PTGES3: variants seen among roughly 807,000 people sequenced by gnomAD.
PTGES3 encodes the protein prostaglandin E synthase 3.
A neutral mutation model predicts 29.9 loss-of-function variants in PTGES3; 5 were observed. That is an observed-to-expected ratio of 0.17 (90% confidence interval 0.09 to 0.35). The LOEUF is 0.35. Among genes scored for constraint, PTGES3 ranks in the 10% least tolerant of loss-of-function variants. PTGES3 has a pLI of 1.00. For synonymous variants in PTGES3, 49 were observed against 57.8 expected (o/e 0.85, Z 0.69); for missense variants, 128 against 190.0 (o/e 0.67, Z 1.92).
chr12:56,677,007 G>T (rs1228671342), intron 1 of PTGES3, among the ~76,000 whole-genome samples: 1 of 151,240 alleles, frequency 6.6e-6, no homozygotes, highest in Non-Finnish European at 1.5e-5. Context: ...AGGCTGAGGT[G>T]AGCAGGTCAC....
At chr12:56,677,102 T>C (rs1952290872) in intron 1 of PTGES3, among the ~76,000 whole-genome samples, 1 of 151,754 alleles carries the variant, frequency 6.6e-6, no homozygotes, top group African/African-American at 2.4e-5. Flanking sequence ...TAGCTGGGCA[T>C]GGTGGTGCAC....
At chr12:56,686,723 G>T in intron 1 of PTGES3, 1 of 394,254 alleles carries the variant, frequency 2.5e-6, no homozygotes, top group Non-Finnish European at 4.5e-6. Flanking sequence ...TTTCGGGGAG[G>T]GGGCTCCTTC....
At chr12:56,676,232 C>CGAA (rs372309759) in intron 1 of PTGES3, among the ~76,000 whole-genome samples, 1 of 129,982 alleles carries the variant, frequency 7.7e-6, no homozygotes, top group South Asian at 2.3e-4. Flanking sequence ...TCTCCCCCCC[C>CGAA]AAAAAAAAAA....
intron 1 of PTGES3, among the ~76,000 whole-genome samples, chr12:56,683,755 C>A (rs968475167): frequency 2.0e-5 from 3 of 151,574 alleles, no homozygotes; most frequent in Admixed American, 6.6e-5. Context: ...ATCAGGAGAT[C>A]GAGACCATTC....
At chr12:56,673,636 T>C (rs1008505114) in intron 1 of PTGES3, among the ~76,000 whole-genome samples, 1 of 149,936 alleles carries the variant, frequency 6.7e-6, no homozygotes, top group African/African-American at 2.5e-5. Context: ...TCTACTAAAA[T>C]ACAAAAATTA....
In PTGES3 at chr12:56,688,047, G is replaced by C. The variant is rs746249758; in HGVS notation, c.-48C>G. 2 of 1,501,886 alleles carry C rather than the reference G, an allele frequency of 1.3e-6. No individual in the cohort carries two copies. The highest frequency in any genetic ancestry group is 1.5e-5 in the African/African-American group (1 of 68,832). The allele number at this position is 1,501,886 out of a possible 1,614,324, so 93.0% of individuals were successfully genotyped here. A position where few individuals can be genotyped will look rare whatever the true frequency, so the allele number is the denominator to read the frequency against. On this transcript the variant is annotated 5_prime_UTR_variant, in exon 1 of 8. Coordinates refer to ENST00000262033, the MANE Select transcript of PTGES3 (RefSeq NM_006601.7). ...GCGAACTGGTGGGCGGGCCTCTCTG[G>C]CGGCGGCTGCTGCTAGGGAGTCGAC...
At chr12:56,670,622 A>G in intron 4 of PTGES3, 1 of 356,372 alleles carries the variant, frequency 2.8e-6, no homozygotes, top group South Asian at 4.5e-5. Context: ...CACCGTACTG[A>G]TGTTAACTTA....
At chr12:56,665,467 G>C (rs1951751236) in intron 6 of PTGES3, 6 of 934,174 alleles carry the variant, frequency 6.4e-6, no homozygotes, top group Non-Finnish European at 7.7e-6. Context: ...GCTAATTTTT[G>C]TATTTTTAGT....
At chr12:56,679,756 C>A (rs1299525991) in intron 1 of PTGES3, among the ~76,000 whole-genome samples, 1 of 152,040 alleles carries the variant, frequency 6.6e-6, no homozygotes, top group African/African-American at 2.4e-5. Flanking sequence ...CTCACCGCAA[C>A]CTCCACCTCC....
intron 6 of PTGES3, chr12:56,665,608 T>G: frequency 2.0e-6 from 2 of 985,482 alleles, no homozygotes; most frequent in Non-Finnish European, 2.4e-6. Context: ...CCTATTTAAC[T>G]TACTTTCTTA....
At chr12:56,676,506 AG>A (rs1318982160) in intron 1 of PTGES3, among the ~76,000 whole-genome samples, 1 of 152,156 alleles carries the variant, frequency 6.6e-6, no homozygotes, top group Non-Finnish European at 1.5e-5. Context: ...TCTTGAACAA[AG>A]AAAAATTCTT....
intron 4 of PTGES3, among the ~76,000 whole-genome samples, chr12:56,671,033 A>G (rs1309606436): frequency 6.6e-6 from 1 of 152,102 alleles, no homozygotes; most frequent in Non-Finnish European, 1.5e-5. Context: ...GGATCGCTTA[A>G]GCCCAGGTGG....
intron 7 of PTGES3, 52 bp from the exon 8 acceptor site, chr12:56,664,550 A>G (rs779688994): frequency 8.4e-6 from 13 of 1,544,394 alleles, no homozygotes; most frequent in East Asian, 2.3e-5. Flanking sequence ...ATAATCTACC[A>G]ATTTTACTGT....
chr12:56,670,308 A>G lies in PTGES3; in HGVS notation c.342T>C (p.Asp114=), dbSNP rs772431271. ...NNWKDWEDDS[D]EDMSNFDRFS... The stretch of plus-strand genomic sequence containing the variant: ...AACGATCAAAATTAGACATGTCTTC[A>G]TCTGAATCATCTTCCCAGTCTTTCC... The change falls in exon 5 of 8, where the codon GAT becomes GAC. Residue 114 remains aspartate (D), a synonymous_variant. Transcript: ENST00000262033. The G allele has an allele frequency of 6.2e-7, 1 of 1,613,696 alleles. No individual in the cohort carries two copies. Among genetic ancestry groups the G allele is most frequent in the Non-Finnish European group, 8.5e-7 (1 of 1,179,604 alleles).
intron 2 of PTGES3, 66 bp from the exon 3 acceptor site, chr12:56,672,875 T>C (rs535766258): frequency 3.9e-6 from 6 of 1,547,300 alleles, no homozygotes; most frequent in South Asian, 1.2e-5. Context: ...ATAACTTCAA[T>C]GAAAAGACAA....
At chr12:56,675,521 C>CAAAAAAAAAA (rs58270146) in intron 1 of PTGES3, among the ~76,000 whole-genome samples, 1 of 92,054 alleles carries the variant, frequency 1.1e-5, no homozygotes. Context: ...AGAATGAGAC[C>CAAAAAAAAAA]AAAAAAAAAA....
At position 56,663,465 on chromosome 12, in the gene PTGES3, CT is replaced by C. The variant is rs1951679455; in HGVS notation, c.*1013del. ...TACAGATCCACTTTTAAAAGGTTTC[CT>C]GTGACATTACAGCAAGCCTCTTTTT... On this transcript the variant is annotated 3_prime_UTR_variant, in exon 8 of 8. Coordinates refer to ENST00000262033, the MANE Select transcript of PTGES3 (RefSeq NM_006601.7). 6.6e-6 allele frequency: 1 copy of C among 152,254 alleles called. No individual in the cohort carries two copies. Among genetic ancestry groups the C allele is most frequent in the Admixed American group, 6.6e-5 (1 of 15,266 alleles). 9.4% of individuals were successfully genotyped at this position (152,254 alleles called of 1,614,324 possible). A position where few individuals can be genotyped will look rare whatever the true frequency, so the allele number is the denominator to read the frequency against.
intron 1 of PTGES3, chr12:56,687,439 T>C (rs956665375): frequency 9.1e-6 from 9 of 987,626 alleles, no homozygotes; most frequent in Middle Eastern, 1.0e-3. Flanking sequence ...ACCCAGACAC[T>C]GGAGAGGGAA....
At chr12:56,665,672 C>T (rs1365592469) in intron 6 of PTGES3, 7 of 975,122 alleles carry the variant, frequency 7.2e-6, no homozygotes, top group Non-Finnish European at 8.5e-6. Context: ...GATGGAGCCT[C>T]GCTCTGCTGC....
Sources: gnomAD v4.1 joint callset for allele counts (sites outside exome capture counted in the v4.1 genomes callset) on GRCh38, gnomAD v4.1.1 for gene constraint, MANE v1.5 for transcripts, NCBI Gene and HGNC (gene_info 2026-07-23, HGNC 2026-07-21) for gene names.